Variants in TMTC2 observed in about 807,000 individuals in gnomAD.
The protein encoded by TMTC2 is transmembrane O-mannosyltransferase targeting cadherins 2, also known as protein O-mannosyl-transferase TMTC2.
TMTC2 carries 43 observed loss-of-function variants against 82.4 expected under a neutral mutation model. The ratio of observed to expected loss-of-function variants is 0.52; its 90% CI spans 0.41 to 0.67. TMTC2 has a LOEUF of 0.67. TMTC2 is among the 30% of genes least tolerant of loss of function. The probability of loss-of-function intolerance (pLI) is 0.00; values close to 1 mark genes in which losing one functional copy is unlikely to be tolerated. For missense variants in TMTC2, 919 were observed against 1,012.4 expected (o/e 0.91, Z 1.25); for synonymous variants, 408 against 381.9 (o/e 1.07, Z -0.80).
At chr12:82,829,496 G>T (rs1020279675) in intron 1 of TMTC2, among the ~76,000 whole-genome samples, 4 of 152,034 alleles carry the variant, frequency 2.6e-5, no homozygotes, top group Non-Finnish European at 5.9e-5. Context: ...CAAATTGTTG[G>T]TTTTTGTGAA....
chr12:82,962,466 T>C (rs758325498), intron 4 of TMTC2, among the ~76,000 whole-genome samples: 3 of 152,072 alleles, frequency 2.0e-5, no homozygotes, highest in Admixed American at 2.0e-4. Flanking sequence ...TAGGTGGGCT[T>C]AGTAGACAAA....
chr12:83,045,707 T>TCACATACACACACACACACACA (rs1882074973), intron 9 of TMTC2, among the ~76,000 whole-genome samples: 1 of 122,706 alleles, frequency 8.1e-6, no homozygotes, highest in Non-Finnish European at 1.7e-5. Flanking sequence ...AAGGGCTCCT[T>TCACATACACACACACACACACA]CACACACACA....
chr12:82,936,849 T>A (rs10862524), intron 4 of TMTC2, among the ~76,000 whole-genome samples: 1 of 151,968 alleles, frequency 6.6e-6, no homozygotes, highest in Non-Finnish European at 1.5e-5. Flanking sequence ...TTATTCATTA[T>A]TGTATCCCCC....
chr12:83,084,467 C>T (rs1178648005), intron 11 of TMTC2, among the ~76,000 whole-genome samples: 1 of 152,064 alleles, frequency 6.6e-6, no homozygotes, highest in Non-Finnish European at 1.5e-5. Context: ...AAAATGACAT[C>T]TGTCTCACTC....
intron 11 of TMTC2, among the ~76,000 whole-genome samples, chr12:83,131,105 G>A (rs1885244500): frequency 6.6e-6 from 1 of 152,184 alleles, no homozygotes. Flanking sequence ...CTTTAACACA[G>A]AATTGAAGGA....
At chr12:83,026,495 A>T (rs1179045301) in intron 8 of TMTC2, among the ~76,000 whole-genome samples, 1 of 152,146 alleles carries the variant, frequency 6.6e-6, no homozygotes, top group Non-Finnish European at 1.5e-5. Context: ...GTCATTTAGT[A>T]AAATATTTCA....
intron 4 of TMTC2, among the ~76,000 whole-genome samples, chr12:82,951,701 C>T (rs1024358931): frequency 1.1e-4 from 16 of 152,122 alleles, no homozygotes; most frequent in Admixed American, 6.5e-4. Context: ...CATAGAATAA[C>T]GTAGCAGTAT....
intron 8 of TMTC2, among the ~76,000 whole-genome samples, chr12:83,018,796 A>G (rs1391762768): frequency 1.3e-5 from 2 of 152,188 alleles, no homozygotes; most frequent in Non-Finnish European, 2.9e-5. Context: ...TTAGGCAACA[A>G]CACTTCATAA....
At chr12:83,001,681 C>A (rs1369901399) in intron 8 of TMTC2, among the ~76,000 whole-genome samples, 2 of 151,208 alleles carry the variant, frequency 1.3e-5, no homozygotes, top group African/African-American at 2.4e-5. Context: ...TGTCTTCCAC[C>A]AGATACCCGA....
At chr12:82,982,729 A>G (rs1345575266) in intron 7 of TMTC2, among the ~76,000 whole-genome samples, 1 of 152,030 alleles carries the variant, frequency 6.6e-6, no homozygotes, top group Non-Finnish European at 1.5e-5. Context: ...ATGATTTTCT[A>G]TGAGTGAGAA....
chr12:82,757,033 G>A (rs561360818), intron 1 of TMTC2, among the ~76,000 whole-genome samples: 11 of 152,110 alleles, frequency 7.2e-5, no homozygotes, highest in South Asian at 2.1e-4. Flanking sequence ...AAGACAACAC[G>A]TGAAAAACCC....
intron 3 of TMTC2, 63 bp from the exon 4 acceptor site, chr12:82,930,368 G>T: frequency 1.1e-6 from 1 of 894,476 alleles, no homozygotes; most frequent in South Asian, 1.9e-5. Context: ...CTGATGGCCT[G>T]ATATTATGTC....
intron 3 of TMTC2, among the ~76,000 whole-genome samples, chr12:82,898,110 T>C (rs573194119): frequency 6.6e-6 from 1 of 152,292 alleles, no homozygotes; most frequent in East Asian, 1.9e-4. Flanking sequence ...TTTAATAAAT[T>C]GCAGGGATTT....
chr12:82,915,086 A>G (rs1036658613), intron 3 of TMTC2, among the ~76,000 whole-genome samples: 15 of 152,094 alleles, frequency 9.9e-5, no homozygotes, highest in Middle Eastern at 3.4e-3. Context: ...CAGCCTCCCA[A>G]AGTGCTGGGA....
rs373868018 is a variant in TMTC2 at position 83,092,405 on chromosome 12, A to G, written c.2331+30574A>G. Among the ~76,000 whole-genome samples, 8 of 152,302 alleles carry G rather than the reference A, an allele frequency of 5.3e-5. No individual in the cohort carries two copies. The East Asian group carries it at 1.5e-3, about 29-fold the overall frequency. ...TTGGAAAACAAAAGAAAGGAAGTTC[A>G]GGGTAAGAGTTTCCTTTTATGGAAG... On this transcript the variant is annotated intron_variant, in intron 11 of 11. Coordinates refer to ENST00000321196, the MANE Select transcript of TMTC2 (RefSeq NM_152588.3).
At chr12:82,783,280 G>A (rs1214502937) in intron 1 of TMTC2, among the ~76,000 whole-genome samples, 1 of 127,888 alleles carries the variant, frequency 7.8e-6, no homozygotes, top group African/African-American at 3.0e-5. Flanking sequence ...TAACAAGAAG[G>A]TATATGCCTC....
At chr12:83,091,604 T>G (rs2137519883) in intron 11 of TMTC2, among the ~76,000 whole-genome samples, 1 of 152,366 alleles carries the variant, frequency 6.6e-6, no homozygotes, top group Non-Finnish European at 1.5e-5. Context: ...CTGTTTCAAG[T>G]TACATCTTTT....
chr12:82,876,178 G>A (rs952200835), intron 2 of TMTC2, among the ~76,000 whole-genome samples: 6 of 137,690 alleles, frequency 4.4e-5, no homozygotes, highest in Non-Finnish European at 9.1e-5. Flanking sequence ...GTTGTTGATC[G>A]GGTGGTAGTG....
chr12:82,863,781 C>T (rs1418251724), intron 2 of TMTC2, among the ~76,000 whole-genome samples: 3 of 151,880 alleles, frequency 2.0e-5, no homozygotes, highest in African/African-American at 4.8e-5. Context: ...CTATAGTAGG[C>T]GATGTGGGGA....
Sources: allele counts gnomAD v4.1 joint callset (sites outside exome capture counted in the v4.1 genomes callset), GRCh38; gene constraint gnomAD v4.1.1; transcripts MANE v1.5; gene names NCBI Gene and HGNC (gene_info 2026-07-23, HGNC 2026-07-21).